Variants in LPP observed in about 807,000 individuals in gnomAD.
The protein encoded by LPP is LIM domain containing preferred translocation partner in lipoma.
In LPP, 38 loss-of-function variants were observed where a neutral mutation model predicts 60.4. That is an observed-to-expected ratio of 0.63 (90% CI 0.49 to 0.83). The LOEUF (loss-of-function observed/expected upper bound fraction) is 0.83, where lower values mean the gene tolerates loss of function less well. LPP is among the 40% of genes least tolerant of loss of function. The probability of loss-of-function intolerance (pLI) is 0.00; values close to 1 mark genes in which losing one functional copy is unlikely to be tolerated. For synonymous variants in LPP, 328 were observed against 290.8 expected, an observed-to-expected ratio of 1.13 and a Z score of -1.30; for missense variants, 902 against 783.6, an observed-to-expected ratio of 1.15 and a Z score of -1.80.
chr3:188,519,344 A>G (rs1818258486), intron 5 of LPP, among the ~76,000 whole-genome samples: 1 of 152,242 alleles, frequency 6.6e-6, no homozygotes, highest in African/African-American at 2.4e-5. Flanking sequence ...AGTCATCAAG[A>G]AAAACCAGAT....
chr3:188,666,481 T>G (rs1855827746), intron 7 of LPP, among the ~76,000 whole-genome samples: 1 of 152,218 alleles, frequency 6.6e-6, no homozygotes, highest in Non-Finnish European at 1.5e-5. Flanking sequence ...AAACTGTAAG[T>G]CTGGGGTGGG....
chr3:188,292,778 C>G (rs552342375), intron 2 of LPP, among the ~76,000 whole-genome samples: 7 of 152,312 alleles, frequency 4.6e-5, no homozygotes, highest in African/African-American at 1.7e-4. Flanking sequence ...TCTTGAAAAG[C>G]ATGCTTTATA....
chr3:188,871,720 T>A (rs911572072), intron 10 of LPP, among the ~76,000 whole-genome samples: 5 of 152,210 alleles, frequency 3.3e-5, no homozygotes, highest in African/African-American at 1.2e-4. Flanking sequence ...AAATAATATG[T>A]CATTTCATAC....
chr3:188,451,292 G>A (rs961160229), intron 4 of LPP, among the ~76,000 whole-genome samples: 7 of 152,154 alleles, frequency 4.6e-5, no homozygotes, highest in African/African-American at 1.7e-4. Flanking sequence ...TGTTTCATAA[G>A]TGTTAAGTGT....
chr3:188,474,528 T>C (rs149850671), intron 4 of LPP, among the ~76,000 whole-genome samples: 17 of 152,332 alleles, frequency 1.1e-4, no homozygotes, highest in Admixed American at 2.6e-4. Flanking sequence ...ACCATCATTG[T>C]CTTTGGAGGG....
Position 188,532,034 on chromosome 3 carries a change from G to C in LPP, c.429+7247G>C, listed in dbSNP as rs547876153. Among the ~76,000 whole-genome samples the C allele has an allele frequency of 2.0e-5, 3 of 152,158 alleles. No homozygotes were observed. The South Asian group carries it at 6.2e-4, about 32-fold the overall frequency. ...ACTCCAGGTAGATTGTGTCAGAACT[G>C]AATTGAGTCATAAAACACCCATCTG... On this transcript the variant is annotated intron_variant, in intron 6 of 11. Transcript: ENST00000617246.
intron 6 of LPP, among the ~76,000 whole-genome samples, chr3:188,579,041 G>A (rs1188743494): frequency 6.6e-6 from 1 of 152,126 alleles, no homozygotes; most frequent in Non-Finnish European, 1.5e-5. Context: ...AAAAAAAAAG[G>A]GGGTAGTGGG....
intron 7 of LPP, among the ~76,000 whole-genome samples, chr3:188,619,608 A>G (rs992469673): frequency 4.6e-5 from 7 of 152,342 alleles, no homozygotes; most frequent in Admixed American, 1.3e-4. Flanking sequence ...CTCTCACACT[A>G]TAACAGCAGA....
At chr3:188,554,033 A>T (rs550384133) in intron 6 of LPP, 2 of 152,314 alleles carry the variant, frequency 1.3e-5, no homozygotes, top group East Asian at 3.9e-4. Flanking sequence ...TCTATTGCTT[A>T]TGAGAAAACA....
At chr3:188,487,323 A>G (rs2149704241) in intron 5 of LPP, among the ~76,000 whole-genome samples, 1 of 152,348 alleles carries the variant, frequency 6.6e-6, no homozygotes, top group East Asian at 1.9e-4. Context: ...GAAGACTAGT[A>G]AGGATTTTCC....
chr3:188,366,959 C>G (rs1771363177), intron 3 of LPP, among the ~76,000 whole-genome samples: 1 of 151,338 alleles, frequency 6.6e-6, no homozygotes, highest in Non-Finnish European at 1.5e-5. Flanking sequence ...TGCAGTGGTG[C>G]GATCTCGCCT....
At chr3:188,826,757 T>C (rs571881946) in intron 9 of LPP, among the ~76,000 whole-genome samples, 43 of 152,190 alleles carry the variant, frequency 2.8e-4, no homozygotes, top group Non-Finnish European at 5.6e-4. Context: ...TGGCTGAAAG[T>C]GACAGTCATC....
chr3:188,698,135 C>T (rs1015697634), intron 7 of LPP, among the ~76,000 whole-genome samples: 4 of 151,636 alleles, frequency 2.6e-5, no homozygotes, highest in African/African-American at 9.7e-5. Context: ...GACATTAGAG[C>T]AACTAGCCCA....
At chr3:188,281,601 CAAAAAAA>C in intron 2 of LPP, among the ~76,000 whole-genome samples, 1 of 66,542 alleles carries the variant, frequency 1.5e-5, no homozygotes, top group African/African-American at 6.5e-5. Context: ...AAGACTCTAC[CAAAAAAA>C]AAAAAAAAAA....
intron 9 of LPP, among the ~76,000 whole-genome samples, chr3:188,787,903 C>T (rs1252095429): frequency 2.0e-5 from 3 of 152,192 alleles, no homozygotes; most frequent in Non-Finnish European, 4.4e-5. Context: ...AGATATGTAT[C>T]TATCATTTTA....
At chr3:188,357,038 C>T (rs747432353) in intron 3 of LPP, among the ~76,000 whole-genome samples, 2 of 152,196 alleles carry the variant, frequency 1.3e-5, no homozygotes, top group South Asian at 4.1e-4. Flanking sequence ...CATACACATG[C>T]AACTACCACC....
intron 7 of LPP, among the ~76,000 whole-genome samples, chr3:188,661,758 A>G (rs929421267): frequency 2.0e-5 from 3 of 152,224 alleles, no homozygotes; most frequent in African/African-American, 7.2e-5. Context: ...CTTGACAAAG[A>G]TGCATTTTTG....
At chr3:188,760,435 T>TGTGTGC (rs777127864) in intron 9 of LPP, among the ~76,000 whole-genome samples, 153 bp downstream of exon 9, 80 of 151,196 alleles carry the variant, frequency 5.3e-4, no homozygotes, top group East Asian at 2.3e-3. Context: ...TGTGTGTGTG[T>TGTGTGC]GCGTGCGCGC....
At chr3:188,451,767 T>C (rs538208598) in intron 4 of LPP, among the ~76,000 whole-genome samples, 14 of 152,188 alleles carry the variant, frequency 9.2e-5, no homozygotes, top group African/African-American at 3.4e-4. Context: ...GGTAAAGCAG[T>C]AGGAGGAATA....
Sources: allele counts gnomAD v4.1 joint callset (sites outside exome capture counted in the v4.1 genomes callset), GRCh38; gene constraint gnomAD v4.1.1; transcripts MANE v1.5; gene names NCBI Gene and HGNC (gene_info 2026-07-23, HGNC 2026-07-21).